RNF185: variants seen among roughly 807,000 people sequenced by gnomAD.
RNF185 encodes E3 ubiquitin-protein ligase RNF185.
Under a neutral mutation model 24.9 loss-of-function variants are expected in RNF185, and 13 were observed. The ratio of observed to expected loss-of-function variants is 0.52; its 90% CI spans 0.34 to 0.83. The LOEUF (loss-of-function observed/expected upper bound fraction) is 0.83, where lower values mean the gene tolerates loss of function less well. Ranked by LOEUF, RNF185 falls within the 40% of genes least tolerant of loss-of-function variation. RNF185 has a pLI of 0.01. For missense variants in RNF185, 184 were observed against 244.7 expected, an observed-to-expected ratio of 0.75 and a Z score of 1.65; for synonymous variants, 79 against 90.3, an observed-to-expected ratio of 0.88 and a Z score of 0.71.
intron 1 of RNF185, among the ~76,000 whole-genome samples, chr22:31,178,287 C>G (rs915678518): frequency 1.3e-5 from 2 of 152,184 alleles, no homozygotes; most frequent in East Asian, 3.8e-4. Context: ...TCTGTAGTCC[C>G]TGTGGATTGT....
chr22:31,162,909 C>T (rs771452005), intron 1 of RNF185, among the ~76,000 whole-genome samples: 5 of 151,736 alleles, frequency 3.3e-5, no homozygotes, highest in Non-Finnish European at 5.9e-5. Context: ...GGACTACAGG[C>T]GCCCACCCCG....
chr22:31,198,430 A>C (rs2048228520), intron 5 of RNF185, among the ~76,000 whole-genome samples: 3 of 109,628 alleles, frequency 2.7e-5, no homozygotes, highest in South Asian at 2.7e-4. Context: ...ATGAAGTTTC[A>C]CTCTTGTTGC....
chr22:31,165,401 A>G (rs1470377833), intron 1 of RNF185, among the ~76,000 whole-genome samples: 1 of 152,102 alleles, frequency 6.6e-6, no homozygotes, highest in African/African-American at 2.4e-5. Context: ...TGCATATCTT[A>G]TTTGGAGAAA....
chr22:31,163,251 A>G (rs1167615591), intron 1 of RNF185, among the ~76,000 whole-genome samples: 1 of 152,128 alleles, frequency 6.6e-6, no homozygotes, highest in Non-Finnish European at 1.5e-5. Flanking sequence ...CATAAAAACC[A>G]TATGGTCCAC....
chr22:31,204,350 A>T, intron 6 of RNF185, 139 bp from the exon 7 acceptor site: 1 of 634,168 alleles, frequency 1.6e-6, no homozygotes, highest in Non-Finnish European at 2.8e-6. Context: ...TTCAAAAAAA[A>T]AAAAAAGAAA....
At chr22:31,204,187 A>AG (rs2048291777) in intron 6 of RNF185, among the ~76,000 whole-genome samples, 1 of 151,616 alleles carries the variant, frequency 6.6e-6, no homozygotes, top group Non-Finnish European at 1.5e-5. Flanking sequence ...TACTAAAAAT[A>AG]CAAAAATTAG....
At chr22:31,201,863 C>T (rs985609740) in intron 6 of RNF185, among the ~76,000 whole-genome samples, 1 of 152,140 alleles carries the variant, frequency 6.6e-6, no homozygotes, top group South Asian at 2.1e-4. Context: ...CACAACCACC[C>T]TATGGAACAG....
chr22:31,167,441 T>C (rs1400191575), intron 1 of RNF185, among the ~76,000 whole-genome samples: 1 of 152,008 alleles, frequency 6.6e-6, no homozygotes, highest in East Asian at 1.9e-4. Context: ...AAACAGAAAC[T>C]CTACCCATGA....
chr22:31,190,834 C>T (rs1270581082), intron 2 of RNF185, among the ~76,000 whole-genome samples: 3 of 151,814 alleles, frequency 2.0e-5, no homozygotes, highest in Non-Finnish European at 4.4e-5. Flanking sequence ...GAACTCCTGA[C>T]CTCAAATAAT....
intron 1 of RNF185, among the ~76,000 whole-genome samples, chr22:31,182,244 T>C (rs1048290183): frequency 6.6e-6 from 1 of 151,866 alleles, no homozygotes. Flanking sequence ...CCTGACTGTC[T>C]GGGGCTACAG....
At chr22:31,196,339 C>G (rs1298971320) in intron 4 of RNF185, among the ~76,000 whole-genome samples, 1 of 152,166 alleles carries the variant, frequency 6.6e-6, no homozygotes, top group South Asian at 2.1e-4. Context: ...GGCTTTATCC[C>G]CCTTGAAACC....
chr22:31,174,259 C>T (rs1198022311), intron 1 of RNF185, among the ~76,000 whole-genome samples: 1 of 152,110 alleles, frequency 6.6e-6, no homozygotes, highest in Non-Finnish European at 1.5e-5. Flanking sequence ...TTCCTCTGTG[C>T]CGTGCTAGTT....
chr22:31,190,878 C>G (rs762566691), intron 2 of RNF185, among the ~76,000 whole-genome samples: 3 of 152,204 alleles, frequency 2.0e-5, no homozygotes, highest in Non-Finnish European at 4.4e-5. Flanking sequence ...GCTGGGATTA[C>G]AGGCATGAGC....
chr22:31,172,420 C>T (rs2047939216), intron 1 of RNF185, among the ~76,000 whole-genome samples: 1 of 151,440 alleles, frequency 6.6e-6, no homozygotes, highest in African/African-American at 2.4e-5. Context: ...ATTTCTTTGT[C>T]TAATAGGGGC....
chr22:31,181,767 C>T (rs1472203830), intron 1 of RNF185, among the ~76,000 whole-genome samples: 2 of 151,312 alleles, frequency 1.3e-5, no homozygotes, highest in Non-Finnish European at 2.9e-5. Context: ...AAAAACCAAA[C>T]ACCTCATGTT....
intron 1 of RNF185, among the ~76,000 whole-genome samples, chr22:31,162,700 C>G (rs1923653362): frequency 6.6e-6 from 1 of 151,172 alleles, no homozygotes. Context: ...AGGCTGTGAA[C>G]CAAACCTGGA....
chr22:31,161,876 C>CTTT (rs35063806), intron 1 of RNF185, among the ~76,000 whole-genome samples: 10 of 127,842 alleles, frequency 7.8e-5, no homozygotes, highest in East Asian at 2.1e-4. Context: ...CAAGTTCCAG[C>CTTT]TTTTTTTTTT....
chr22:31,187,923 G>C (rs201261569), intron 2 of RNF185, among the ~76,000 whole-genome samples: 12 of 74,690 alleles, frequency 1.6e-4, no homozygotes, highest in Non-Finnish European at 2.4e-4. Flanking sequence ...TTGGTTTTTT[G>C]TGTGTGTGTG....
At chr22:31,193,671 A>G (rs1601370150) in intron 3 of RNF185, among the ~76,000 whole-genome samples, 2 of 151,762 alleles carry the variant, frequency 1.3e-5, no homozygotes, top group East Asian at 2.0e-4. Flanking sequence ...GTGCACGCCT[A>G]TAGTCCGAGC....
Sources: gnomAD v4.1 joint callset for allele counts (sites outside exome capture counted in the v4.1 genomes callset) on GRCh38, gnomAD v4.1.1 for gene constraint, MANE v1.5 for transcripts, NCBI Gene and HGNC (gene_info 2026-07-23, HGNC 2026-07-21) for gene names.